Variants in NUP43 observed in about 807,000 individuals in gnomAD.
The protein encoded by NUP43 is nucleoporin 43, also known as nucleoporin Nup43.
A neutral mutation model predicts 47.3 loss-of-function variants in NUP43; 32 were observed. The ratio of observed to expected loss-of-function variants is 0.68; its 90% confidence interval spans 0.51 to 0.91. NUP43 has a LOEUF of 0.91. NUP43 is among the 40% of genes least tolerant of loss of function. The probability of loss-of-function intolerance (pLI) is 0.00; values close to 1 mark genes in which losing one functional copy is unlikely to be tolerated. For missense variants in NUP43, 444 were observed against 453.9 expected (o/e 0.98, Z 0.20); for synonymous variants, 147 against 158.4 (o/e 0.93, Z 0.54).
At position 149,729,625 on chromosome 6, in the gene NUP43, C is replaced by A. The variant is rs1469761872; in HGVS notation, c.913+1988G>T. 3 of 638,866 alleles carry A rather than the reference C, an allele frequency of 4.7e-6. No individual in the cohort carries two copies. In the African/African-American group the frequency reaches 5.9e-5, roughly 13 times the overall value. The allele number at this position is 638,866 out of a possible 1,614,324, so 39.6% of individuals were successfully genotyped here. On this transcript the variant is annotated intron_variant, in intron 7 of 7. Transcript: ENST00000340413. ...TTTCTTCCTATTTGTTCTCCCAGCA[C>A]CCCTCCTATTACCTTTTGTTTTCCC...
In NUP43 at chr6:149,726,798, G is replaced by A; in HGVS notation, c.*171C>T. On this transcript the variant is annotated 3_prime_UTR_variant, in exon 8 of 8. Coordinates refer to ENST00000340413, the MANE Select transcript of NUP43 (RefSeq NM_198887.3). The stretch of plus-strand genomic sequence containing the variant: ...CAGTCATCTATCGGATTCTACAACT[G>A]TTTGGGAGTGTCAGGCTAACAAAAG... 1 of 609,742 alleles carries A rather than the reference G, an allele frequency of 1.6e-6. No homozygotes were observed. Among genetic ancestry groups the A allele is most frequent in the Non-Finnish European group, 2.9e-6 (1 of 341,712 alleles). 37.8% of individuals were successfully genotyped at this position (609,742 alleles called of 1,614,324 possible). A position where few individuals can be genotyped will look rare whatever the true frequency, so the allele number is the denominator to read the frequency against.
At chr6:149,748,513 T>C (rs541974074), upstream of NUP43, among the ~76,000 whole-genome samples, 1 of 151,888 alleles carries the variant, frequency 6.6e-6, no homozygotes, top group Non-Finnish European at 1.5e-5. Context: ...TGTTTCCTTC[T>C]AAAAGATTAC....
In NUP43 at chr6:149,727,715, A is replaced by T. The variant is rs1055906539; in HGVS notation, c.914-517T>A. 5.1e-6 allele frequency: 5 copies of T among 971,782 alleles called. No homozygotes were observed. The African/African-American group carries it at 8.8e-5, about 17-fold the overall frequency. 60.2% of individuals were successfully genotyped at this position (971,782 alleles called of 1,614,324 possible). A position where few individuals can be genotyped will look rare whatever the true frequency, so the allele number is the denominator to read the frequency against. ...ATAATCGCCTTACCTCAAATCTTTC[A>T]TTCTTATGCTTTTTAGATAAATGTT... On this transcript the variant is annotated intron_variant, in intron 7 of 7. Coordinates refer to ENST00000340413, the MANE Select transcript of NUP43 (RefSeq NM_198887.3).
intron 7 of NUP43, chr6:149,727,676 A>G (rs929689500): frequency 6.5e-5 from 55 of 845,362 alleles, no homozygotes; most frequent in Non-Finnish European, 7.3e-5. Flanking sequence ...ATTTGTTACT[A>G]TATTTCTTAA....
chr6:149,742,305 G>T, intron 4 of NUP43, 85 bp downstream of exon 4: 1 of 1,296,372 alleles, frequency 7.7e-7, no homozygotes, highest in Non-Finnish European at 1.1e-6. Flanking sequence ...CAATTGCCGG[G>T]GTGAGCCACC....
intron 3 of NUP43, among the ~76,000 whole-genome samples, chr6:149,743,157 C>A (rs958138511): frequency 2.7e-5 from 4 of 148,056 alleles, no homozygotes; most frequent in African/African-American, 5.0e-5. Context: ...GCCTGGGTGA[C>A]AGAGAGAGAC....
chr6:149,732,140 C>T (rs1562375752), intron 6 of NUP43, among the ~76,000 whole-genome samples: 1 of 148,768 alleles, frequency 6.7e-6, no homozygotes, highest in Admixed American at 6.8e-5. Flanking sequence ...CGAGCTCGCA[C>T]CACTGCACTC....
At position 149,727,186 on chromosome 6, in the gene NUP43, C is replaced by T. The variant is rs1057386627; in HGVS notation, c.926G>A (p.Ser309Asn). Residue 309 changes from serine to asparagine, a missense_variant, in exon 8 of 8, where the codon AGT becomes AAT. Coordinates refer to ENST00000340413, the MANE Select transcript of NUP43 (RefSeq NM_198887.3). ...ACTAATGCTATGAGACAAAAAAGTA[C>T]TGCTTCTTCCTCCTGGGAGAAAAAA... Reference protein sequence around the residue: ...SSLFHQGGRSSTFLSHSISNQ... With the variant: ...SSLFHQGGRSNTFLSHSISNQ... 6.8e-6 allele frequency: 11 copies of T among 1,612,986 alleles called. No homozygotes were observed. The highest frequency in any genetic ancestry group is 9.3e-6 in the Non-Finnish European group (11 of 1,179,534).
intron 2 of NUP43, among the ~76,000 whole-genome samples, chr6:149,744,793 G>A (rs1454593341): frequency 1.3e-5 from 2 of 151,048 alleles, no homozygotes; most frequent in African/African-American, 2.4e-5. Flanking sequence ...CTGAGCTCTC[G>A]CCACTGCACT....
chr6:149,734,421 G>A (rs1323037421), intron 6 of NUP43, among the ~76,000 whole-genome samples: 1 of 151,874 alleles, frequency 6.6e-6, no homozygotes, highest in African/African-American at 2.4e-5. Context: ...GACTGATTGA[G>A]CCAGGGAGGC....
intron 6 of NUP43, among the ~76,000 whole-genome samples, chr6:149,735,709 T>C (rs1018388170): frequency 4.2e-4 from 63 of 149,900 alleles, no homozygotes; most frequent in African/African-American, 1.5e-3. Context: ...TCATAACTCA[T>C]ACCTGTAATC....
chr6:149,746,661 A>C (rs760812491), upstream of NUP43: 2 of 1,560,186 alleles, frequency 1.3e-6, no homozygotes, highest in East Asian at 4.8e-5. Context: ...CAGTACCTAG[A>C]CTGAGAGGCC....
intron 7 of NUP43, among the ~76,000 whole-genome samples, chr6:149,730,179 T>C (rs1453215397): frequency 6.6e-6 from 1 of 151,400 alleles, no homozygotes; most frequent in Admixed American, 6.6e-5. Flanking sequence ...CCGGCTAATT[T>C]TGTATTTTTA....
chr6:149,746,130 C>T (rs754406454), intron 1 of NUP43, 68 bp from the exon 2 acceptor site: 2 of 1,556,712 alleles, frequency 1.3e-6, no homozygotes, highest in Non-Finnish European at 1.7e-6. Flanking sequence ...AAGTTGTGCT[C>T]CCGTCCGGAA....
intron 6 of NUP43, among the ~76,000 whole-genome samples, 182 bp downstream of exon 6, chr6:149,736,289 A>G (rs544394517): frequency 6.6e-6 from 1 of 152,302 alleles, no homozygotes; most frequent in Admixed American, 6.5e-5. Flanking sequence ...AAAAAAACAA[A>G]AACAAATGTT....
intron 7 of NUP43, chr6:149,727,932 C>T (rs1784866509): frequency 1.0e-6 from 1 of 984,280 alleles, no homozygotes; most frequent in Non-Finnish European, 1.2e-6. Context: ...TGACTGAGTA[C>T]CTACTATGTG....
intron 6 of NUP43, among the ~76,000 whole-genome samples, chr6:149,734,797 C>CAA (rs529323368): frequency 0.47 from 40,009 of 84,918 alleles, 7,938 homozygotes; most frequent in East Asian, 0.81. Flanking sequence ...GACTCTGTCT[C>CAA]AAAAAAAAAA....
At chr6:149,736,646 G>A (rs765778273) in intron 5 of NUP43, 24 bp from the exon 6 acceptor site, 42 of 1,547,460 alleles carry the variant, frequency 2.7e-5, no homozygotes, top group Middle Eastern at 1.7e-4. Context: ...TAACAATGAC[G>A]TCAAAATCAA....
intron 7 of NUP43, among the ~76,000 whole-genome samples, chr6:149,730,272 G>C (rs1440164745): frequency 6.6e-6 from 1 of 151,796 alleles, no homozygotes; most frequent in East Asian, 1.9e-4. Context: ...GCCTCCCAAA[G>C]TGCTGGGATT....
Sources: gnomAD v4.1 joint callset for allele counts (sites outside exome capture counted in the v4.1 genomes callset) on GRCh38, gnomAD v4.1.1 for gene constraint, MANE v1.5 for transcripts, NCBI Gene and HGNC (gene_info 2026-07-23, HGNC 2026-07-21) for gene names.